The following KRT12 variants were observed in gnomAD, a reference collection of about 807,000 sequenced individuals.
KRT12 encodes keratin 12.
KRT12 carries 43 observed loss-of-function variants against 50.2 expected under a neutral mutation model. The ratio of observed to expected loss-of-function variants is 0.86; its 90% CI spans 0.67 to 1.11. The LOEUF is 1.11. Among genes scored for constraint, KRT12 ranks in the 50% least tolerant of loss-of-function variants. The pLI, the probability that KRT12 is intolerant of heterozygous loss-of-function variation, is 0.00. For synonymous variants in KRT12, 257 were observed against 253.6 expected (o/e 1.01, Z -0.13); for missense variants, 588 against 625.6 (o/e 0.94, Z 0.64).
rs1906894303 is a variant in KRT12 at position 40,863,666 on chromosome 17, T to C, written c.969+37A>G. On this transcript the variant is annotated intron_variant, in intron 4 of 7. Coordinates refer to ENST00000251643, the MANE Select transcript of KRT12 (RefSeq NM_000223.4). The surrounding 1 kb of genome is among the most constrained non-coding windows in gnomAD (Gnocchi z 4.2). ...AGCGCTGAGCTCGTTCGCAGGCCTT[T>C]CTGTGAATGTATCAAAGCCTTTGTT... The C allele has an allele frequency of 1.2e-6, 2 of 1,614,096 alleles. No homozygotes were observed. The highest frequency in any genetic ancestry group is 1.3e-5 in the African/African-American group (1 of 74,952).
At position 40,864,811 on chromosome 17, in the gene KRT12, C is replaced by T. The variant is rs1449751160; in HGVS notation, c.802G>A (p.Glu268Lys). ...EELAYMKKNH[E>K]DELQSFRVGG... ...GGCTGCCCTGTCTGACTCACATCCT[C>T]GTGGTTCTTCTTCATGTAGGCCAGC... Residue 268 changes from glutamate (E) to lysine (K), a missense_variant, in exon 3 of 8, where the codon GAG becomes AAG. Physicochemically the swap from Glu to Lys is moderately conservative, Grantham distance 56 (BLOSUM62 1). Transcript: ENST00000251643. 15 of 1,613,976 alleles carry T rather than the reference C, an allele frequency of 9.3e-6. No individual in the cohort carries two copies. The highest frequency in any genetic ancestry group is 4.0e-5 in the African/African-American group (3 of 74,892).
In KRT12 at chr17:40,861,577, A is replaced by G. The variant is rs947435391; in HGVS notation, c.*84T>C. On this transcript the variant is annotated 3_prime_UTR_variant, in exon 8 of 8. Coordinates refer to ENST00000251643, the MANE Select transcript of KRT12 (RefSeq NM_000223.4). ...ACAAAAATAGGGATTGAAGTAATACAGCATGTTACTCTGAAAGGAATAATT... is the reference window on the plus strand; with the variant it reads ...ACAAAAATAGGGATTGAAGTAATACGGCATGTTACTCTGAAAGGAATAATT... The G allele has an allele frequency of 1.3e-5, 11 of 858,804 alleles. No homozygotes were observed. The highest frequency in any genetic ancestry group is 6.6e-5 in the African/African-American group (4 of 60,746). The allele number at this position is 858,804 out of a possible 1,614,324, so 53.2% of individuals were successfully genotyped here. A position where few individuals can be genotyped will look rare whatever the true frequency, so the allele number is the denominator to read the frequency against.
At chr17:40,862,765 C>G in intron 6 of KRT12, 130 bp from the exon 7 acceptor site, 1 of 765,106 alleles carries the variant, frequency 1.3e-6, no homozygotes, top group Non-Finnish European at 2.3e-6. Flanking sequence ...ACTCTGATCA[C>G]TTTTGGAAAG....
At chr17:40,866,346 T>A (rs1300937290) in intron 1 of KRT12, 109 bp from the exon 2 acceptor site, 4 of 897,204 alleles carry the variant, frequency 4.5e-6, no homozygotes, top group Non-Finnish European at 7.2e-6. Flanking sequence ...GCTGTTTTAT[T>A]TAGAGTTTAA....
At position 40,863,212 on chromosome 17, in the gene KRT12, GT is replaced by G. The variant is rs767640936; in HGVS notation, c.1226del (p.Asn409ThrfsTer8). 1 of 1,613,952 alleles carries G rather than the reference GT, an allele frequency of 6.2e-7. No homozygotes were observed. The highest frequency in any genetic ancestry group is 1.3e-5 in the African/African-American group (1 of 74,954). On this transcript the variant is annotated frameshift_variant, in exon 6 of 8. Transcript: ENST00000251643. LOFTEE classifies it high-confidence loss of function. This position sits in a 1 kb window ranked among gnomAD's most constrained non-coding sequence, Gnocchi z 4.2. ...CATTCAGCAGCCGCTGGTGGTCCAC[GT>G]TCTGGCGCTCTGCGTCCGCGCGCAC... ...LQVRADAERQ[N>X]VDHQRLLNVK... is the part of the protein sequence containing the mutation.
chr17:40,866,267 T>C, intron 1 of KRT12, 30 bp from the exon 2 acceptor site: 1 of 1,556,998 alleles, frequency 6.4e-7, no homozygotes, highest in Non-Finnish European at 8.9e-7. Context: ...CACACAAGAT[T>C]GAAGCCCTAA....
Position 40,863,709 on chromosome 17 carries a change from A to C in KRT12, c.963T>G (p.Ile321Met). 6.2e-7 allele frequency: 1 copy of C among 1,614,018 alleles called. No homozygotes were observed. The highest frequency in any genetic ancestry group is 8.5e-7 in the Non-Finnish European group (1 of 1,180,032). Residue 321 changes from isoleucine (I) to methionine (M), a missense_variant, in exon 4 of 8, where the codon ATT becomes ATG. Physicochemically the swap from Ile to Met is conservative, Grantham distance 10. Transcript: ENST00000251643. This position sits in a 1 kb window ranked among gnomAD's most constrained non-coding sequence, Gnocchi z 4.2. ...QNRKDAEAWFIEKSGELRKEI... is the reference protein window; with the variant it reads ...QNRKDAEAWFMEKSGELRKEI... ...CCTTTGTTGTTTGTGTTACCTTTTCAATGAACCAGGCTTCAGCGTCCTTCC... is the reference window on the plus strand; with the variant it reads ...CCTTTGTTGTTTGTGTTACCTTTTCCATGAACCAGGCTTCAGCGTCCTTCC...
chr17:40,864,616 A>AAC (rs1249094591), intron 3 of KRT12, among the ~76,000 whole-genome samples, 190 bp downstream of exon 3: 229 of 151,958 alleles, frequency 1.5e-3, no homozygotes, highest in African/African-American at 5.4e-3. Flanking sequence ...CACTACTACC[A>AAC]ACACACACAC....
At position 40,862,565 on chromosome 17, in the gene KRT12, C is replaced by T; in HGVS notation, c.1387G>A (p.Asp463Asn). The T allele has an allele frequency of 1.2e-6, 2 of 1,608,664 alleles. No individual in the cohort carries two copies. The highest frequency in any genetic ancestry group is 1.1e-5 in the South Asian group (1 of 90,946). ...SQAQSTDSSK[D>N]PTKTRKIKTV... The stretch of plus-strand genomic sequence containing the variant: ...AAGTGATTCTAGGGTTTCTGCATAC[C>T]TTTAGAGGAATCAGTTGACTGTGCT... Residue 463 changes from aspartate (D) to asparagine (N), a missense_variant and splice_region_variant, in exon 7 of 8, where the codon GAC (aspartate) becomes AAC (asparagine). Physicochemically the swap from Asp to Asn is conservative, Grantham distance 23. Coordinates refer to ENST00000251643, the MANE Select transcript of KRT12 (RefSeq NM_000223.4).
rs1313786639 is a variant in KRT12 at position 40,863,277 on chromosome 17, G to C, written c.1162C>G (p.Gln388Glu). 1.2e-6 allele frequency: 2 copies of C among 1,613,880 alleles called. No homozygotes were observed. The highest frequency in any genetic ancestry group is 3.3e-5 in the Admixed American group (2 of 60,008). Residue 388 changes from glutamine to glutamate, a missense_variant, in exon 6 of 8, where the codon CAG becomes GAG. By Grantham distance (29) the Gln-to-Glu change is conservative. Transcript: ENST00000251643. This position sits in a 1 kb window ranked among gnomAD's most constrained non-coding sequence, Gnocchi z 4.2. ...GDYCAQLSQV[Q>E]QLISNLEAQL... ...GCCTCCAGGTTGCTGATGAGCTGCT[G>C]CACCTGGGACAGCTGCGCGCAGTAA...
intron 3 of KRT12, 135 bp downstream of exon 3, chr17:40,864,671 A>G: frequency 1.1e-6 from 1 of 913,426 alleles, no homozygotes; most frequent in Non-Finnish European, 1.8e-6. Flanking sequence ...AATCTAAAAC[A>G]AATGGCCATT....
chr17:40,865,085 T>C (rs1906970359), intron 2 of KRT12, 123 bp from the exon 3 acceptor site: 2 of 1,032,642 alleles, frequency 1.9e-6, no homozygotes, highest in African/African-American at 1.6e-5. Flanking sequence ...CATTGTAGTG[T>C]ATGATGCAGT....
In KRT12 at chr17:40,863,626, C is replaced by G; in HGVS notation, c.970-16G>C. The G allele has an allele frequency of 6.2e-7, 1 of 1,614,250 alleles. No individual in the cohort carries two copies. Among genetic ancestry groups the G allele is most frequent in the Non-Finnish European group, 8.5e-7 (1 of 1,180,044 alleles). ...GCTCCCCGCTCTGCAACAGCAAAGA[C>G]AGCCAGGGGGCTCGAGCGCTGAGCT... On this transcript the variant is annotated splice_polypyrimidine_tract_variant and intron_variant, in intron 4 of 7. Transcript: ENST00000251643. This position sits in a 1 kb window ranked among gnomAD's most constrained non-coding sequence, Gnocchi z 4.2.
chr17:40,863,096 T>A lies in KRT12; in HGVS notation c.1316+27A>T, dbSNP rs750949951. The A allele has an allele frequency of 1.3e-5, 21 of 1,599,536 alleles. No homozygotes were observed. The Middle Eastern group carries it at 5.0e-4, about 38-fold the overall frequency. ...CCCACTCTTGGTCAGCCCCTGAAGGTGTTTACAGCCTCCGTTGTCTGCTCA... is the reference window on the plus strand; with the variant it reads ...CCCACTCTTGGTCAGCCCCTGAAGGAGTTTACAGCCTCCGTTGTCTGCTCA... On this transcript the variant is annotated intron_variant, in intron 6 of 7. Transcript: ENST00000251643. The surrounding 1 kb of genome is among the most constrained non-coding windows in gnomAD (Gnocchi z 4.2).
rs1433758783 is a variant in KRT12, at chr17:40,863,276, T to C, written c.1163A>G (p.Gln388Arg). ...GDYCAQLSQV[Q>R]QLISNLEAQL... ...TGCCTCCAGGTTGCTGATGAGCTGC[T>C]GCACCTGGGACAGCTGCGCGCAGTA... Residue 388 changes from glutamine to arginine, a missense_variant, in exon 6 of 8, where the codon CAG (glutamine) becomes CGG (arginine). Coordinates refer to ENST00000251643, the MANE Select transcript of KRT12 (RefSeq NM_000223.4). This position sits in a 1 kb window ranked among gnomAD's most constrained non-coding sequence, Gnocchi z 4.2. 2 of 1,614,012 alleles carry C rather than the reference T, an allele frequency of 1.2e-6. No homozygotes were observed. The highest frequency in any genetic ancestry group is 2.2e-5 in the South Asian group (2 of 91,078).
intron 3 of KRT12, among the ~76,000 whole-genome samples, chr17:40,864,299 T>G (rs905056994): frequency 2.0e-5 from 3 of 152,152 alleles, no homozygotes; most frequent in African/African-American, 7.2e-5. Context: ...GCACGCTGTT[T>G]GTGCCACAAT....
At chr17:40,865,201 C>T (rs961678439) in intron 2 of KRT12, among the ~76,000 whole-genome samples, 1 of 152,192 alleles carries the variant, frequency 6.6e-6, no homozygotes, top group African/African-American at 2.4e-5. Flanking sequence ...TTCCTACCAG[C>T]GATGAATCCC....
chr17:40,865,133 A>G (rs1297346954), intron 2 of KRT12, among the ~76,000 whole-genome samples, 171 bp from the exon 3 acceptor site: 1 of 151,962 alleles, frequency 6.6e-6, no homozygotes, highest in Non-Finnish European at 1.5e-5. Context: ...TTTTCCCACC[A>G]TTGTTTACTG....
chr17:40,862,298 C>A (rs1002117412), intron 7 of KRT12, among the ~76,000 whole-genome samples: 1 of 152,044 alleles, frequency 6.6e-6, no homozygotes, highest in Non-Finnish European at 1.5e-5. Context: ...GTCACGAACT[C>A]CTGGCCTCAA....
Sources: gnomAD v4.1 joint callset for allele counts (sites outside exome capture counted in the v4.1 genomes callset) on GRCh38, gnomAD v4.1.1 for gene constraint, Gnocchi (gnomAD v3.1) non-coding constraint, MANE v1.5 for transcripts, NCBI Gene and HGNC (gene_info 2026-07-23, HGNC 2026-07-21) for gene names.